Variants in PIGF observed in about 807,000 individuals in gnomAD.
PIGF encodes the protein GPI ethanolamine phosphate transferase, stabilizing subunit.
Under a neutral mutation model 26.0 loss-of-function variants are expected in PIGF, and 23 were observed. The ratio of observed to expected loss-of-function variants is 0.88; its 90% confidence interval spans 0.64 to 1.25. The LOEUF (loss-of-function observed/expected upper bound fraction) is 1.25. Among genes scored for constraint, PIGF ranks in the 50% most tolerant of loss-of-function variants. The probability of loss-of-function intolerance (pLI) is 0.00; values close to 1 mark genes in which losing one functional copy is unlikely to be tolerated. For missense variants in PIGF, 278 were observed against 249.9 expected (o/e 1.11, Z -0.76); for synonymous variants, 93 against 92.6 (o/e 1.00, Z -0.03).
chr2:46,597,233 T>C (rs1285875077), intron 4 of PIGF, among the ~76,000 whole-genome samples: 1 of 144,282 alleles, frequency 6.9e-6, no homozygotes, highest in East Asian at 1.9e-4. Flanking sequence ...CTTTTTCTTT[T>C]CTTTTTAAGC....
Position 46,589,616 on chromosome 2 carries a change from A to G in PIGF, c.546+2859T>C, listed in dbSNP as rs1669669666. Among the ~76,000 whole-genome samples the G allele has an allele frequency of 6.6e-6, 1 of 152,028 alleles. No homozygotes were observed. Among genetic ancestry groups the G allele is most frequent in the South Asian group, 2.1e-4 (1 of 4,826 alleles). ...ATCCAGAAAAGCTTGCTTTACCACA[A>G]GCAGATCAAATCGGTATTGGGCTAC... On this transcript the variant is annotated intron_variant, in intron 5 of 5. Coordinates refer to ENST00000281382, the MANE Select transcript of PIGF (RefSeq NM_002643.4). This position sits in a 1 kb window ranked among gnomAD's most constrained non-coding sequence, Gnocchi z 4.7.
chr2:46,605,297 T>C (rs1317277637), intron 4 of PIGF, among the ~76,000 whole-genome samples: 2 of 152,112 alleles, frequency 1.3e-5, no homozygotes, highest in Non-Finnish European at 2.9e-5. Context: ...CTCTAGTGTA[T>C]GGTGGAAACA....
chr2:46,612,203 A>C, intron 4 of PIGF, 25 bp downstream of exon 4: 1 of 674,304 alleles, frequency 1.5e-6, no homozygotes. Flanking sequence ...TTTCAATATC[A>C]TTATAATATA....
At chr2:46,612,660 GTC>G (rs10595426) in intron 3 of PIGF, among the ~76,000 whole-genome samples, 44,272 of 151,856 alleles carry the variant, frequency 0.29, 6,668 homozygotes, top group Admixed American at 0.35. Context: ...CTGCTCAATA[GTC>G]TCTCTGGAAC....
intron 4 of PIGF, among the ~76,000 whole-genome samples, chr2:46,598,552 T>TTTTTTTTTTTTTTTTTTTTTTTTTTTC (rs1350980432): frequency 6.8e-6 from 1 of 146,482 alleles, no homozygotes; most frequent in African/African-American, 2.5e-5. Context: ...TTTTTTTTTT[T>TTTTTTTTTTTTTTTTTTTTTTTTTTTC]TAGCTCATCA....
In PIGF at chr2:46,612,298, T is replaced by C; in HGVS notation, c.367A>G (p.Thr123Ala). 2.0e-6 allele frequency: 3 copies of C among 1,487,968 alleles called. No homozygotes were observed. Among genetic ancestry groups the C allele is most frequent in the South Asian group, 1.4e-5 (1 of 73,126 alleles). 92.2% of individuals were successfully genotyped at this position (1,487,968 alleles called of 1,614,324 possible). ...AACAAACATAAGCAAGGCACAGTAG[T>C]AAAAGTAGACAAAATAACTGCAAAT... is the stretch of plus-strand genomic sequence containing the variant. ...FLFAVILSTF[T>A]TVPCLCLLGP... Residue 123 changes from threonine to alanine, a missense_variant, in exon 4 of 6, where the codon ACT becomes GCT. Thr to Ala is a moderately conservative substitution (Grantham distance 58, BLOSUM62 0). Coordinates refer to ENST00000281382, the MANE Select transcript of PIGF (RefSeq NM_002643.4).
chr2:46,591,937 A>T, intron 5 of PIGF: 1 of 1,303,538 alleles, frequency 7.7e-7, no homozygotes, highest in Non-Finnish European at 1.0e-6. Context: ...TAAAAATTTC[A>T]AGAGGAACAT....
At chr2:46,602,710 T>G (rs899689583) in intron 4 of PIGF, among the ~76,000 whole-genome samples, 4 of 151,992 alleles carry the variant, frequency 2.6e-5, no homozygotes. Flanking sequence ...TAATTAGAAC[T>G]ACAGCATAAG....
At chr2:46,591,920 C>T (rs1669732817) in intron 5 of PIGF, 1 of 1,303,708 alleles carries the variant, frequency 7.7e-7, no homozygotes, top group African/African-American at 1.5e-5. Flanking sequence ...ACCTTGCTAT[C>T]TGCTTCTAAA....
intron 4 of PIGF, among the ~76,000 whole-genome samples, chr2:46,610,812 G>A (rs779833283): frequency 6.6e-6 from 1 of 152,116 alleles, no homozygotes; most frequent in Non-Finnish European, 1.5e-5. Flanking sequence ...TTACAGGCGT[G>A]AGCCACCACA....
chr2:46,597,997 C>A (rs535590102), intron 4 of PIGF, among the ~76,000 whole-genome samples: 2 of 152,236 alleles, frequency 1.3e-5, no homozygotes, highest in South Asian at 4.1e-4. Context: ...TTGATCAGAT[C>A]ACTTAAGAAT....
At chr2:46,602,127 T>C (rs1670078786) in intron 4 of PIGF, among the ~76,000 whole-genome samples, 2 of 151,952 alleles carry the variant, frequency 1.3e-5, no homozygotes, top group Non-Finnish European at 2.9e-5. Flanking sequence ...AATAAGAAGC[T>C]GGCAGAATAT....
intron 5 of PIGF, among the ~76,000 whole-genome samples, chr2:46,584,895 C>T (rs937212531): frequency 1.4e-4 from 21 of 152,098 alleles, no homozygotes; most frequent in African/African-American, 5.1e-4. Context: ...AGCAAGTTTC[C>T]TACTGATTTT....
chr2:46,614,882 A>T (rs1490778969), intron 2 of PIGF, 55 bp downstream of exon 2: 2 of 790,828 alleles, frequency 2.5e-6, no homozygotes, highest in African/African-American at 3.5e-5. Context: ...TTATTCTTCC[A>T]TTAAAAGAAA....
At chr2:46,602,551 A>T (rs1212105189) in intron 4 of PIGF, among the ~76,000 whole-genome samples, 2 of 151,916 alleles carry the variant, frequency 1.3e-5, no homozygotes, top group Non-Finnish European at 2.9e-5. Flanking sequence ...TCACATTTTA[A>T]TAATACTAAA....
chr2:46,593,993 G>A (rs1046057426), intron 4 of PIGF, among the ~76,000 whole-genome samples: 1 of 152,206 alleles, frequency 6.6e-6, no homozygotes, highest in Non-Finnish European at 1.5e-5. Flanking sequence ...GGCTAAGAAC[G>A]GGCTGGAGCC....
intron 4 of PIGF, among the ~76,000 whole-genome samples, chr2:46,606,015 T>C (rs1572781374): frequency 6.6e-6 from 1 of 152,226 alleles, no homozygotes; most frequent in Non-Finnish European, 1.5e-5. Flanking sequence ...TCCAGTATGT[T>C]GGAAATTTTA....
chr2:46,597,543 G>C (rs913784461), intron 4 of PIGF, among the ~76,000 whole-genome samples: 15 of 152,192 alleles, frequency 9.9e-5, no homozygotes, highest in Middle Eastern at 3.4e-3. Flanking sequence ...CTGCCGAGTA[G>C]CTGGGATTAC....
rs190441854 is a variant in PIGF, at chr2:46,593,426, C to T, written c.438-843G>A. Among the ~76,000 whole-genome samples the T allele has an allele frequency of 8.5e-5, 13 of 152,330 alleles. No homozygotes were observed. In the East Asian group the frequency reaches 1.2e-3, roughly 14 times the overall value. On this transcript the variant is annotated intron_variant, in intron 4 of 5. Coordinates refer to ENST00000281382, the MANE Select transcript of PIGF (RefSeq NM_002643.4). ...GATTATAGGCATGAGCCACTGCACCCGGCCTCAACTAGTCTTTCTTACAGC... is the reference window on the plus strand; with the variant it reads ...GATTATAGGCATGAGCCACTGCACCTGGCCTCAACTAGTCTTTCTTACAGC...
Sources: allele counts gnomAD v4.1 joint callset (sites outside exome capture counted in the v4.1 genomes callset), GRCh38; gene constraint gnomAD v4.1.1; non-coding constraint Gnocchi (gnomAD v3.1); transcripts MANE v1.5; gene names NCBI Gene and HGNC (gene_info 2026-07-23, HGNC 2026-07-21).